CACNA2D1: variants seen among roughly 807,000 people sequenced by gnomAD.
CACNA2D1 encodes the protein calcium voltage-gated channel auxiliary subunit alpha2delta 1, also known as voltage-dependent calcium channel subunit alpha-2/delta-1.
In CACNA2D1, 53 loss-of-function variants were observed where a neutral mutation model predicts 171.5. The observed-to-expected ratio is 0.31, with a 90% confidence interval of 0.25 to 0.39. The LOEUF (loss-of-function observed/expected upper bound fraction) is 0.39. Among genes scored for constraint, CACNA2D1 ranks in the 10% least tolerant of loss-of-function variants. The pLI, the probability that CACNA2D1 is intolerant of heterozygous loss-of-function variation, is 1.00. For synonymous variants in CACNA2D1, 442 were observed against 443.1 expected, an observed-to-expected ratio of 1.00 and a Z score of 0.03; for missense variants, 903 against 1,299.8, an observed-to-expected ratio of 0.69 and a Z score of 4.69.
intron 6 of CACNA2D1, among the ~76,000 whole-genome samples, chr7:82,104,009 G>C (rs183647422): frequency 0.018 from 2,743 of 152,028 alleles, 32 homozygotes; most frequent in Middle Eastern, 0.048. Flanking sequence ...TTCAGGTTTT[G>C]TCTATTCATT....
chr7:82,155,503 AT>A (rs1011487246), intron 4 of CACNA2D1, among the ~76,000 whole-genome samples: 136 of 152,170 alleles, frequency 8.9e-4, no homozygotes, highest in African/African-American at 2.8e-3. Context: ...TATACCATAC[AT>A]TTTTTTGTGT....
chr7:82,273,178 T>C (rs912484767), intron 3 of CACNA2D1, among the ~76,000 whole-genome samples: 5 of 152,124 alleles, frequency 3.3e-5, no homozygotes, highest in African/African-American at 7.2e-5. Context: ...AGAAACACAC[T>C]ATCATAAACT....
intron 5 of CACNA2D1, among the ~76,000 whole-genome samples, chr7:82,133,788 C>T (rs1791280688): frequency 6.6e-6 from 1 of 152,028 alleles, no homozygotes; most frequent in South Asian, 2.1e-4. Context: ...AAGAATCATG[C>T]AGGGCCGGGC....
chr7:82,401,907 G>GA (rs1293363376), intron 1 of CACNA2D1, among the ~76,000 whole-genome samples: 2 of 151,894 alleles, frequency 1.3e-5, no homozygotes, highest in East Asian at 3.9e-4. Context: ...ACATGCATAA[G>GA]AAAAAAAATA....
In CACNA2D1 at chr7:82,443,491, G is replaced by T; in HGVS notation, c.-32C>A. The T allele has an allele frequency of 5.0e-6, 8 of 1,600,378 alleles. No individual in the cohort carries two copies. Among genetic ancestry groups the T allele is most frequent in the Non-Finnish European group, 6.0e-6 (7 of 1,173,560 alleles). On this transcript the variant is annotated 5_prime_UTR_variant, in exon 1 of 39. Transcript: ENST00000356860. ...GATCGAAGATCAATGCCCCCTCCCT[G>T]CCCAAGCGGGGGAAGGAGCGGCGCT...
chr7:82,239,419 G>A (rs1314050163), intron 3 of CACNA2D1, among the ~76,000 whole-genome samples: 3 of 151,758 alleles, frequency 2.0e-5, no homozygotes, highest in Non-Finnish European at 2.9e-5. Flanking sequence ...CAGACCCCAC[G>A]TCCCTGAAAA....
At chr7:82,283,934 A>T (rs10272109) in intron 3 of CACNA2D1, among the ~76,000 whole-genome samples, 9,120 of 152,192 alleles carry the variant, frequency 0.06, 894 homozygotes, top group African/African-American at 0.21. Flanking sequence ...TAAGAGGTTA[A>T]ACATGAGGGG....
chr7:82,092,795 A>G (rs528538955), intron 6 of CACNA2D1, among the ~76,000 whole-genome samples: 29 of 152,192 alleles, frequency 1.9e-4, no homozygotes, highest in Admixed American at 2.0e-4. Context: ...TTCAGTAAAT[A>G]CATAGCCTGC....
At chr7:82,202,454 C>A (rs2129207776) in intron 3 of CACNA2D1, among the ~76,000 whole-genome samples, 1 of 152,232 alleles carries the variant, frequency 6.6e-6, no homozygotes, top group Non-Finnish European at 1.5e-5. Context: ...TGGCCGGTGG[C>A]AGCTTACTGC....
rs751857100 is a variant in CACNA2D1, at chr7:81,950,380, G to GT, written c.*11dup. 3 of 1,613,038 alleles carry GT rather than the reference G, an allele frequency of 1.9e-6. No homozygotes were observed. In the Admixed American group the frequency reaches 5.0e-5, roughly 27 times the overall value. ...TCTGGAGTTTAACTATGCAGATTTG[G>GT]TTTTTAGAAGGTCATAACAGGCGGT... On this transcript the variant is annotated 3_prime_UTR_variant, in exon 39 of 39. Transcript: ENST00000356860.
intron 21 of CACNA2D1, among the ~76,000 whole-genome samples, chr7:81,989,175 C>A (rs1261452400): frequency 6.6e-6 from 1 of 152,178 alleles, no homozygotes; most frequent in Admixed American, 6.5e-5. Context: ...GCAAAAAGGA[C>A]AGCGTGGCTT....
At chr7:82,224,377 A>G (rs1563223478) in intron 3 of CACNA2D1, among the ~76,000 whole-genome samples, 1 of 151,996 alleles carries the variant, frequency 6.6e-6, no homozygotes, top group Non-Finnish European at 1.5e-5. Context: ...CACAAGGTCA[A>G]GGAAACAAGA....
intron 18 of CACNA2D1, among the ~76,000 whole-genome samples, chr7:82,003,831 G>A (rs1024914728): frequency 3.2e-4 from 47 of 148,746 alleles, no homozygotes; most frequent in Admixed American, 8.2e-4. Flanking sequence ...TGCAACCTCC[G>A]CCTCCCGGGT....
chr7:82,040,452 CAAA>C (rs34257660), intron 10 of CACNA2D1, among the ~76,000 whole-genome samples: 46,936 of 106,318 alleles, frequency 0.44, 7,655 homozygotes, highest in Middle Eastern at 0.5. Flanking sequence ...ATAATTTATT[CAAA>C]AAAAAAAAAA....
At chr7:82,387,336 C>T (rs1824522174) in intron 1 of CACNA2D1, among the ~76,000 whole-genome samples, 1 of 151,294 alleles carries the variant, frequency 6.6e-6, no homozygotes, top group African/African-American at 2.5e-5. Flanking sequence ...ATTCCAATTC[C>T]TCCCCCTTTA....
At chr7:82,393,372 CAG>C (rs1384845814) in intron 1 of CACNA2D1, among the ~76,000 whole-genome samples, 1 of 152,074 alleles carries the variant, frequency 6.6e-6, no homozygotes, top group Non-Finnish European at 1.5e-5. Context: ...CTGGAGGCAA[CAG>C]AGGTCTGTGC....
At chr7:82,292,640 G>T (rs1811789705) in intron 3 of CACNA2D1, among the ~76,000 whole-genome samples, 1 of 151,942 alleles carries the variant, frequency 6.6e-6, no homozygotes, top group African/African-American at 2.4e-5. Context: ...CTGCCTTTTT[G>T]ACTATTATTC....
intron 3 of CACNA2D1, among the ~76,000 whole-genome samples, chr7:82,259,079 G>A (rs1386394222): frequency 6.6e-6 from 1 of 151,778 alleles, no homozygotes; most frequent in Admixed American, 6.6e-5. Context: ...TCCACCAAAT[G>A]GCCTCCCAAA....
At chr7:81,961,064 A>C (rs1450837334) in intron 36 of CACNA2D1, among the ~76,000 whole-genome samples, 1 of 151,728 alleles carries the variant, frequency 6.6e-6, no homozygotes, top group Non-Finnish European at 1.5e-5. Context: ...TGGCACTTTC[A>C]TAATCTCAGA....
Sources: gnomAD v4.1 joint callset for allele counts (sites outside exome capture counted in the v4.1 genomes callset) on GRCh38, gnomAD v4.1.1 for gene constraint, MANE v1.5 for transcripts, NCBI Gene and HGNC (gene_info 2026-07-23, HGNC 2026-07-21) for gene names.